LINGO2: variants seen among roughly 807,000 people sequenced by gnomAD.
LINGO2 encodes leucine-rich repeat and immunoglobulin-like domain-containing nogo receptor-interacting protein 2.
LINGO2 carries 14 observed loss-of-function variants against 30.6 expected under a neutral mutation model. The ratio of observed to expected loss-of-function variants is 0.46; its 90% CI spans 0.30 to 0.72. The LOEUF is 0.72. Ranked by LOEUF, LINGO2 falls within the 30% of genes least tolerant of loss-of-function variation. The pLI, the probability that LINGO2 is intolerant of heterozygous loss-of-function variation, is 0.07. For missense variants in LINGO2, 729 were observed against 751.7 expected (o/e 0.97, Z 0.35); for synonymous variants, 317 against 288.5 (o/e 1.10, Z -1.00).
chr9:29,121,658 C>T, the LINGO2 span, among the ~76,000 whole-genome samples: 2 of 152,022 alleles, frequency 1.3e-5, no homozygotes, highest in African/African-American at 2.4e-5. Flanking sequence ...GATCAAGACT[C>T]TCCAGACAGA....
intron 2 of LINGO2, among the ~76,000 whole-genome samples, chr9:28,376,220 G>A (rs992640533): frequency 6.6e-6 from 1 of 151,938 alleles, no homozygotes; most frequent in Non-Finnish European, 1.5e-5. Context: ...TAGGGTACTG[G>A]CTGAGGATGG....
intron 1 of LINGO2, among the ~76,000 whole-genome samples, chr9:28,482,104 A>G (rs1825995995): frequency 1.3e-5 from 2 of 152,068 alleles, no homozygotes; most frequent in African/African-American, 2.4e-5. Flanking sequence ...GTGTCTTTAT[A>G]GCAGCATGAT....
intron 4 of LINGO2, among the ~76,000 whole-genome samples, chr9:28,077,253 A>G (rs1367882404): frequency 6.6e-6 from 1 of 152,200 alleles, no homozygotes; most frequent in Non-Finnish European, 1.5e-5. Flanking sequence ...ACAAAATCTT[A>G]GATAGGAAGT....
intron 4 of LINGO2, among the ~76,000 whole-genome samples, chr9:28,219,934 A>G (rs1180113827): frequency 6.6e-6 from 1 of 152,202 alleles, no homozygotes; most frequent in Non-Finnish European, 1.5e-5. Flanking sequence ...TACAGATCAT[A>G]TTTTTAAAAT....
chr9:29,056,510 A>C, the LINGO2 span, among the ~76,000 whole-genome samples: 2 of 152,130 alleles, frequency 1.3e-5, no homozygotes, highest in Non-Finnish European at 2.9e-5. Context: ...TCAGATGCAC[A>C]GTTTGTGAAG....
intron 1 of LINGO2, among the ~76,000 whole-genome samples, chr9:28,615,720 A>T (rs559002168): frequency 1.3e-5 from 2 of 152,298 alleles, no homozygotes; most frequent in Admixed American, 1.3e-4. Context: ...TATAGCATTG[A>T]CAATTTCCCA....
the LINGO2 span, among the ~76,000 whole-genome samples, chr9:28,771,782 A>G: frequency 1.3e-5 from 2 of 152,156 alleles, no homozygotes; most frequent in Non-Finnish European, 2.9e-5. Flanking sequence ...CTTTATTATT[A>G]TCATTACTAT....
intron 2 of LINGO2, among the ~76,000 whole-genome samples, chr9:28,433,816 C>T (rs757040701): frequency 6.6e-6 from 1 of 151,878 alleles, no homozygotes; most frequent in Non-Finnish European, 1.5e-5. Flanking sequence ...ATGAAAAAGA[C>T]ACATGCACAT....
chr9:28,620,250 G>T (rs1439216952), intron 1 of LINGO2, among the ~76,000 whole-genome samples: 1 of 152,102 alleles, frequency 6.6e-6, no homozygotes, highest in African/African-American at 2.4e-5. Context: ...GAAAAGAGAG[G>T]TAAGTAAACT....
the LINGO2 span, chr9:28,889,088 A>G: frequency 2.8e-6 from 1 of 361,802 alleles, no homozygotes; most frequent in Admixed American, 3.3e-5. Flanking sequence ...CTTTTCAAAC[A>G]GTTTTGTGGG....
At chr9:28,750,638 A>T in the LINGO2 span, among the ~76,000 whole-genome samples, 80 of 152,162 alleles carry the variant, frequency 5.3e-4, 2 homozygotes, top group Non-Finnish European at 1.0e-3. Context: ...ATTTGGAGTC[A>T]GATATATTTG....
At chr9:28,789,983 C>G in the LINGO2 span, among the ~76,000 whole-genome samples, 2 of 152,094 alleles carry the variant, frequency 1.3e-5, no homozygotes, top group African/African-American at 4.8e-5. Flanking sequence ...ACAGTAGTCC[C>G]CCCTTGCCCA....
chr9:28,682,754 A>G, the LINGO2 span, among the ~76,000 whole-genome samples: 1 of 152,062 alleles, frequency 6.6e-6, no homozygotes, highest in African/African-American at 2.4e-5. Context: ...ATGGATATTG[A>G]TATGCTTTTA....
At chr9:28,261,786 A>G (rs976242845) in intron 4 of LINGO2, among the ~76,000 whole-genome samples, 8 of 151,972 alleles carry the variant, frequency 5.3e-5, no homozygotes, top group Non-Finnish European at 8.8e-5. Flanking sequence ...ATATCTGCTA[A>G]GCAATTGAGA....
chr9:28,604,676 T>G (rs1303098825), intron 1 of LINGO2, among the ~76,000 whole-genome samples: 1 of 152,066 alleles, frequency 6.6e-6, no homozygotes, highest in African/African-American at 2.4e-5. Flanking sequence ...TAATCTGAAG[T>G]AAGTATCCAT....
chr9:29,003,151 G>A, the LINGO2 span, among the ~76,000 whole-genome samples: 1 of 152,020 alleles, frequency 6.6e-6, no homozygotes, highest in Admixed American at 6.6e-5. Flanking sequence ...AGCCTTCAGA[G>A]AGAGCCTGGT....
intron 4 of LINGO2, among the ~76,000 whole-genome samples, chr9:28,171,866 A>T (rs571110050): frequency 6.7e-6 from 1 of 150,006 alleles, no homozygotes; most frequent in African/African-American, 2.4e-5. Context: ...CAAAAAACCA[A>T]AAAAATTTAG....
chr9:28,566,941 C>T (rs190048022), intron 1 of LINGO2, among the ~76,000 whole-genome samples: 3 of 152,240 alleles, frequency 2.0e-5, no homozygotes, highest in Admixed American at 2.0e-4. Context: ...AGTGCAAAAC[C>T]AATAGTTGAT....
the LINGO2 span, among the ~76,000 whole-genome samples, chr9:29,035,957 A>G: frequency 6.6e-6 from 1 of 152,170 alleles, no homozygotes; most frequent in African/African-American, 2.4e-5. Flanking sequence ...AGATAAAGAA[A>G]GCATGGAAGC....
Sources: allele counts gnomAD v4.1 joint callset (sites outside exome capture counted in the v4.1 genomes callset), GRCh38; gene constraint gnomAD v4.1.1; transcripts MANE v1.5; gene names NCBI Gene and HGNC (gene_info 2026-07-23, HGNC 2026-07-21).